The following GOSR1 variants were observed in gnomAD, a reference collection of about 807,000 sequenced individuals.
GOSR1 encodes the protein golgi SNAP receptor complex member 1.
GOSR1 carries 21 observed loss-of-function variants against 35.5 expected under a neutral mutation model. The ratio of observed to expected loss-of-function variants is 0.59; its 90% CI spans 0.42 to 0.85. GOSR1 has a LOEUF of 0.85. Among genes scored for constraint, GOSR1 ranks in the 40% least tolerant of loss-of-function variants. GOSR1 has a pLI of 0.00. For synonymous variants in GOSR1, 94 were observed against 106.6 expected, an observed-to-expected ratio of 0.88 and a Z score of 0.73; for missense variants, 285 against 309.6, an observed-to-expected ratio of 0.92 and a Z score of 0.60.
At position 30,490,106 on chromosome 17, in the gene GOSR1, TG is replaced by T; in HGVS notation, c.343-18del. ...ATCCATAATTAGCTTCTGTTGAGAC[TG>T]GATGTTGATTTATTACAGGATTATA... On this transcript the variant is annotated intron_variant, in intron 4 of 8. Transcript: ENST00000451249. 1 of 1,086,568 alleles carries T rather than the reference TG, an allele frequency of 9.2e-7. No individual in the cohort carries two copies. Among genetic ancestry groups the T allele is most frequent in the Non-Finnish European group, 1.4e-6 (1 of 700,360 alleles). The allele number at this position is 1,086,568 out of a possible 1,614,324, so 67.3% of individuals were successfully genotyped here.
chr17:30,512,663 A>T (rs1229767878), intron 7 of GOSR1, among the ~76,000 whole-genome samples: 2 of 152,190 alleles, frequency 1.3e-5, no homozygotes, highest in African/African-American at 4.8e-5. Flanking sequence ...GAATTTCCTT[A>T]TGTTGACTGA....
At chr17:30,486,519 C>CAA (rs534373224) in intron 4 of GOSR1, among the ~76,000 whole-genome samples, 8 of 97,752 alleles carry the variant, frequency 8.2e-5, no homozygotes, top group African/African-American at 1.5e-4. Context: ...GTGACTGTTT[C>CAA]AAAAAAAAAA....
At chr17:30,515,863 C>G (rs1308471501) in intron 7 of GOSR1, among the ~76,000 whole-genome samples, 5 of 152,064 alleles carry the variant, frequency 3.3e-5, no homozygotes, top group African/African-American at 1.2e-4. Flanking sequence ...TAGAATAGGC[C>G]TAAAAGTATT....
intron 6 of GOSR1, among the ~76,000 whole-genome samples, chr17:30,497,286 AT>A (rs1169932632): frequency 6.6e-6 from 1 of 151,886 alleles, no homozygotes; most frequent in Non-Finnish European, 1.5e-5. Context: ...TCTAGGGTTA[AT>A]TTTTTTTCAT....
chr17:30,477,904 A>G (rs2143559886), intron 1 of GOSR1: 1 of 984,896 alleles, frequency 1.0e-6, no homozygotes, highest in Non-Finnish European at 1.2e-6. Flanking sequence ...GGGAAAAGAG[A>G]AGGAGGAACT....
intron 7 of GOSR1, 99 bp downstream of exon 7, chr17:30,511,008 T>C: frequency 1.4e-6 from 1 of 738,272 alleles, no homozygotes; most frequent in South Asian, 1.7e-5. Context: ...AGAAAAAACA[T>C]TTTAATGAAC....
Position 30,505,766 on chromosome 17 carries a change from G to T in GOSR1, c.510-5114G>T, listed in dbSNP as rs575540998. ...TTTTGAGACAGGGTCTTTCTCAGTT[G>T]CCCCCAGGCTGGAGTGCAGTGGCAT... On this transcript the variant is annotated intron_variant, in intron 6 of 8. Transcript: ENST00000451249. 1.7e-4 allele frequency among the ~76,000 whole-genome samples: 26 copies of T among 152,138 alleles called. 2 individuals are homozygous for T. The South Asian group carries it at 5.4e-3, about 32-fold the overall frequency.
In GOSR1 at chr17:30,487,189, ATGT is replaced by A. The variant is rs1216037728; in HGVS notation, c.342+2424_342+2426del. Among the ~76,000 whole-genome samples, 5 of 152,220 alleles carry A rather than the reference ATGT, an allele frequency of 3.3e-5. No individual in the cohort carries two copies. In the South Asian group the frequency reaches 6.2e-4, roughly 19 times the overall value. On this transcript the variant is annotated intron_variant, in intron 4 of 8. Coordinates refer to ENST00000451249, the MANE Select transcript of GOSR1 (RefSeq NM_001007025.2). ...TGGAAATTTTTAGTTTCTGATAAAGATGTTGTTTAAAATCAGTGGGGCAAAGAG... is the reference window on the plus strand; with the variant it reads ...TGGAAATTTTTAGTTTCTGATAAAGATGTTTAAAATCAGTGGGGCAAAGAG...
chr17:30,501,079 A>T (rs1212118849), intron 6 of GOSR1, among the ~76,000 whole-genome samples: 2 of 151,926 alleles, frequency 1.3e-5, no homozygotes, highest in Non-Finnish European at 2.9e-5. Context: ...ACGGGGTTTC[A>T]CCGTTTTAGC....
intron 6 of GOSR1, among the ~76,000 whole-genome samples, chr17:30,494,807 TC>T (rs1017909334): frequency 2.6e-5 from 4 of 151,732 alleles, no homozygotes; most frequent in African/African-American, 9.7e-5. Context: ...GGGGTTTCAC[TC>T]TGTTGGCCAG....
intron 8 of GOSR1, among the ~76,000 whole-genome samples, chr17:30,521,419 G>A (rs1968029895): frequency 6.6e-6 from 1 of 151,826 alleles, no homozygotes; most frequent in African/African-American, 2.4e-5. Flanking sequence ...CTAGGCTCAA[G>A]CAGTCCTTCA....
At chr17:30,505,375 G>A (rs1199361602) in intron 6 of GOSR1, among the ~76,000 whole-genome samples, 4 of 152,186 alleles carry the variant, frequency 2.6e-5, no homozygotes, top group African/African-American at 9.6e-5. Context: ...ACTCCAGCCT[G>A]GGTGACAGTG....
At chr17:30,505,963 C>G (rs1352652859) in intron 6 of GOSR1, among the ~76,000 whole-genome samples, 1 of 152,178 alleles carries the variant, frequency 6.6e-6, no homozygotes, top group East Asian at 1.9e-4. Context: ...CCTGGGGACT[C>G]AAGTAATCCT....
At chr17:30,512,658 T>G (rs1159347272) in intron 7 of GOSR1, among the ~76,000 whole-genome samples, 1 of 152,226 alleles carries the variant, frequency 6.6e-6, no homozygotes, top group Non-Finnish European at 1.5e-5. Context: ...TCACAGAATT[T>G]CCTTATGTTG....
chr17:30,514,950 A>C (rs1967745642), intron 7 of GOSR1, among the ~76,000 whole-genome samples: 2 of 152,208 alleles, frequency 1.3e-5, no homozygotes, highest in African/African-American at 4.8e-5. Flanking sequence ...GTAATCTTTT[A>C]TCTCTCTGAA....
At chr17:30,495,553 A>G in intron 6 of GOSR1, 1 of 366,570 alleles carries the variant, frequency 2.7e-6, no homozygotes, top group Admixed American at 3.4e-5. Context: ...CCTTTTACCC[A>G]GGCTGGGACC....
intron 7 of GOSR1, among the ~76,000 whole-genome samples, chr17:30,516,943 G>C (rs1214908862): frequency 6.6e-6 from 1 of 152,162 alleles, no homozygotes; most frequent in Non-Finnish European, 1.5e-5. Flanking sequence ...TGAACTCCTT[G>C]GCCTCAAGTG....
chr17:30,483,897 G>T (rs1245934028), intron 2 of GOSR1, among the ~76,000 whole-genome samples: 2 of 152,238 alleles, frequency 1.3e-5, no homozygotes, highest in African/African-American at 4.8e-5. Context: ...ACCAAAGCAT[G>T]CAGGACATGG....
At chr17:30,498,215 G>T (rs1243793006) in intron 6 of GOSR1, among the ~76,000 whole-genome samples, 1 of 150,760 alleles carries the variant, frequency 6.6e-6, no homozygotes, top group Non-Finnish European at 1.5e-5. Flanking sequence ...TTCTTCATGT[G>T]CATATCCGGA....
Sources: allele counts gnomAD v4.1 joint callset (sites outside exome capture counted in the v4.1 genomes callset), GRCh38; gene constraint gnomAD v4.1.1; transcripts MANE v1.5; gene names NCBI Gene and HGNC (gene_info 2026-07-23, HGNC 2026-07-21).